SLC30A10: variants seen among roughly 807,000 people sequenced by gnomAD.
SLC30A10 encodes the protein calcium/manganese antiporter SLC30A10.
SLC30A10 carries 8 observed loss-of-function variants against 21.7 expected under a neutral mutation model. That is an observed-to-expected ratio of 0.37 (90% CI 0.22 to 0.67). The LOEUF (loss-of-function observed/expected upper bound fraction) is 0.67. Among genes scored for constraint, SLC30A10 ranks in the 30% least tolerant of loss-of-function variants. The pLI is 0.58. For synonymous variants in SLC30A10, 272 were observed against 279.4 expected (o/e 0.97, Z 0.26); for missense variants, 521 against 642.5 (o/e 0.81, Z 2.04).
intron 1 of SLC30A10, among the ~76,000 whole-genome samples, chr1:219,936,490 T>A (rs527245727): frequency 2.6e-5 from 4 of 152,256 alleles, no homozygotes; most frequent in African/African-American, 9.6e-5. Flanking sequence ...TCCCCTTGGA[T>A]ACAGAGGTAG....
At position 219,928,003 on chromosome 1, in the gene SLC30A10, C is replaced by A; in HGVS notation, c.438G>T (p.Arg146=). The A allele has an allele frequency of 6.4e-7, 1 of 1,561,488 alleles. No homozygotes were observed. The highest frequency in any genetic ancestry group is 8.7e-7 in the Non-Finnish European group (1 of 1,154,420). Residue 146 remains arginine (R), a synonymous_variant, in exon 1 of 4, where the codon CGG becomes CGT. Coordinates refer to ENST00000366926, the MANE Select transcript of SLC30A10 (RefSeq NM_018713.3). The surrounding 1 kb of genome is among the most constrained non-coding windows in gnomAD (Gnocchi z 6.3). ...DCAAWFACCL[R]GRSRRLQQRQ... ...GCTGCTGCAGGCGGCGACTGCGTCC[C>A]CGGAGGCAGCACGCGAACCAGGCGG... is the stretch of plus-strand genomic sequence containing the variant.
At position 219,953,165 on chromosome 1, in the gene SLC30A10, T is replaced by A. The variant is rs76455917; in HGVS notation, n.80+5403A>T. ...ATATAGACAAAATGCAAAGTAAAGC[T>A]GGTGGGAATTAAGCATCATGTTTCT... is the stretch of plus-strand genomic sequence containing the variant. On this transcript the variant is annotated intron_variant and non_coding_transcript_variant, in intron 1 of 8. Transcript: ENST00000484239. Among the ~76,000 whole-genome samples, 1,094 of 152,364 alleles carry A rather than the reference T, an allele frequency of 7.2e-3. 12 individuals carry two copies. The highest frequency in any genetic ancestry group is 0.025 in the African/African-American group (1,023 of 41,578).
In SLC30A10 at chr1:219,948,598, T is replaced by C. The variant is rs1232920493; in HGVS notation, n.80+9970A>G. 1.7e-4 allele frequency among the ~76,000 whole-genome samples: 26 copies of C among 152,264 alleles called. No homozygotes were observed. The South Asian group carries it at 5.0e-3, about 29-fold the overall frequency. ...AACTGGATCCCTTCCTTACACCTTATACAAAAATTAATTCAAGATGGATTA... is the reference window on the plus strand; with the variant it reads ...AACTGGATCCCTTCCTTACACCTTACACAAAAATTAATTCAAGATGGATTA... On this transcript the variant is annotated intron_variant and non_coding_transcript_variant, in intron 1 of 8. Coordinates refer to the SLC30A10 transcript ENST00000484239.
intron 2 of SLC30A10, among the ~76,000 whole-genome samples, chr1:219,923,138 C>T (rs1659737353): frequency 6.6e-6 from 1 of 152,176 alleles, no homozygotes; most frequent in South Asian, 2.1e-4. Flanking sequence ...GTGTTTAGAC[C>T]ATACCCTGTA....
intron 1 of SLC30A10, among the ~76,000 whole-genome samples, chr1:219,948,708 A>G (rs1660224501): frequency 6.6e-6 from 1 of 152,212 alleles, no homozygotes; most frequent in South Asian, 2.1e-4. Context: ...ATGAGCAAGG[A>G]CTTCATGTCT....
At position 219,911,088 on chromosome 1, in the gene SLC30A10, C is replaced by T. The variant is rs117094262; in HGVS notation, c.*4361G>A. On this transcript the variant is annotated 3_prime_UTR_variant, in exon 4 of 4. Transcript: ENST00000366926. ...TTCTATAGAGCAGGCATGCAGTCCG[C>T]GATCATTCATCCAAACTCAAAATTC... Among the ~76,000 whole-genome samples the T allele has an allele frequency of 1.3e-4, 19 of 145,692 alleles. No individual in the cohort carries two copies. In the East Asian group the frequency reaches 3.7e-3, roughly 28 times the overall value.
intron 1 of SLC30A10, among the ~76,000 whole-genome samples, chr1:219,947,601 A>G (rs888004568): frequency 4.6e-5 from 7 of 152,166 alleles, no homozygotes; most frequent in Non-Finnish European, 8.8e-5. Flanking sequence ...ATATCAGGAC[A>G]TGGACTATGG....
chr1:219,952,733 T>A (rs1660287352), intron 1 of SLC30A10, among the ~76,000 whole-genome samples: 1 of 152,190 alleles, frequency 6.6e-6, no homozygotes, highest in African/African-American at 2.4e-5. Flanking sequence ...CAGATGTCAA[T>A]ATAAACTCAT....
chr1:219,921,357 T>G (rs1358226645), intron 2 of SLC30A10, among the ~76,000 whole-genome samples: 2 of 152,188 alleles, frequency 1.3e-5, no homozygotes, highest in Admixed American at 1.3e-4. Flanking sequence ...AAGTAACTTG[T>G]CCAAAATCAC....
chr1:219,941,053 A>C (rs1221078745), intron 1 of SLC30A10, among the ~76,000 whole-genome samples: 1 of 152,232 alleles, frequency 6.6e-6, no homozygotes, highest in South Asian at 2.1e-4. Context: ...GGAGGTAGAG[A>C]AGGAAAAAGA....
intron 2 of SLC30A10, among the ~76,000 whole-genome samples, chr1:219,924,691 T>C (rs1490696732): frequency 6.6e-6 from 1 of 152,204 alleles, no homozygotes; most frequent in African/African-American, 2.4e-5. Context: ...TTGTATCCAC[T>C]CAGTAAGATT....
rs1476682852 is a variant in SLC30A10, at chr1:219,913,219, C to A, written c.*2230G>T. Among the ~76,000 whole-genome samples, 2 of 152,186 alleles carry A rather than the reference C, an allele frequency of 1.3e-5. No homozygotes were observed. The highest frequency in any genetic ancestry group is 6.5e-5 in the Admixed American group (1 of 15,282). ...ATTGGACATTATTAAATGCAGTCAG[C>A]CAAACTGTCTTAAAAAGGTATTACT... On this transcript the variant is annotated 3_prime_UTR_variant, in exon 4 of 4. Transcript: ENST00000366926.
At chr1:219,938,273 A>G (rs1189590954) in intron 1 of SLC30A10, among the ~76,000 whole-genome samples, 2 of 152,136 alleles carry the variant, frequency 1.3e-5, no homozygotes, top group African/African-American at 4.8e-5. Flanking sequence ...TGCCCAGTGC[A>G]GTTTTTGATT....
At chr1:219,922,169 T>TGG in intron 2 of SLC30A10, among the ~76,000 whole-genome samples, 1 of 51,650 alleles carries the variant, frequency 1.9e-5, no homozygotes. Flanking sequence ...TGTGTGTGTG[T>TGG]GTGTGTGTTT....
rs1246987837 is a variant in SLC30A10 at position 219,927,784 on chromosome 1, A to G, written c.640+17T>C. The stretch of plus-strand genomic sequence containing the variant: ...AAGGAAGGGCCAAGCGGTCCAAAGG[A>G]TGCAACCGAAAGGCACCTGCTACGT... On this transcript the variant is annotated intron_variant, in intron 1 of 3. Coordinates refer to ENST00000366926, the MANE Select transcript of SLC30A10 (RefSeq NM_018713.3). 1 of 1,528,174 alleles carries G rather than the reference A, an allele frequency of 6.5e-7. No individual in the cohort carries two copies. Among genetic ancestry groups the G allele is most frequent in the Non-Finnish European group, 8.8e-7 (1 of 1,138,662 alleles). The allele number at this position is 1,528,174 out of a possible 1,614,324, so 94.7% of individuals were successfully genotyped here.
chr1:219,954,193 A>G (rs1017886868), intron 1 of SLC30A10, among the ~76,000 whole-genome samples: 9 of 151,996 alleles, frequency 5.9e-5, no homozygotes, highest in African/African-American at 2.2e-4. Flanking sequence ...ATGTCAGGCT[A>G]TAGTACTGAG....
chr1:219,938,967 T>C (rs1273134608), intron 1 of SLC30A10, among the ~76,000 whole-genome samples: 1 of 152,168 alleles, frequency 6.6e-6, no homozygotes, highest in Non-Finnish European at 1.5e-5. Flanking sequence ...ATGGGGCTGT[T>C]TTAACAGACC....
chr1:219,934,754 C>T (rs1660024737), intron 1 of SLC30A10, among the ~76,000 whole-genome samples: 1 of 152,102 alleles, frequency 6.6e-6, no homozygotes, highest in Non-Finnish European at 1.5e-5. Flanking sequence ...AGAAATACTT[C>T]CTTGGGCTAT....
chr1:219,954,020 C>T (rs1205754547), intron 1 of SLC30A10, among the ~76,000 whole-genome samples: 3 of 151,968 alleles, frequency 2.0e-5, no homozygotes, highest in African/African-American at 7.2e-5. Context: ...ATTTTATTTA[C>T]TCCATAGTAT....
Sources: gnomAD v4.1 joint callset for allele counts (sites outside exome capture counted in the v4.1 genomes callset) on GRCh38, gnomAD v4.1.1 for gene constraint, Gnocchi (gnomAD v3.1) non-coding constraint, MANE v1.5 for transcripts, NCBI Gene and HGNC (gene_info 2026-07-23, HGNC 2026-07-21) for gene names.